LARGE1: variants seen among roughly 807,000 people sequenced by gnomAD.
The protein encoded by LARGE1 is xylosyl- and glucuronyltransferase LARGE1.
LARGE1 carries 43 observed loss-of-function variants against 87.6 expected under a neutral mutation model. That is an observed-to-expected ratio of 0.49 (90% confidence interval 0.38 to 0.63). LARGE1 has a LOEUF of 0.63. Among genes scored for constraint, LARGE1 ranks in the 30% least tolerant of loss-of-function variants. The pLI is 0.00. For synonymous variants in LARGE1, 434 were observed against 394.6 expected (o/e 1.10, Z -1.18); for missense variants, 802 against 1,000.2 (o/e 0.80, Z 2.67).
the LARGE1 span, among the ~76,000 whole-genome samples, chr22:33,121,367 G>A: frequency 6.6e-6 from 1 of 152,120 alleles, no homozygotes; most frequent in Non-Finnish European, 1.5e-5. Flanking sequence ...GAAAGGTTTG[G>A]GACATGTTCC....
the LARGE1 span, among the ~76,000 whole-genome samples, chr22:33,096,566 G>GTTTTTT: frequency 8.3e-5 from 9 of 107,878 alleles, no homozygotes; most frequent in Non-Finnish European, 1.5e-4. Context: ...TTTTGTTTTT[G>GTTTTTT]TTTTTTTTTT....
chr22:33,618,812 G>A (rs575633755), intron 4 of LARGE1, among the ~76,000 whole-genome samples: 91 of 152,280 alleles, frequency 6.0e-4, no homozygotes, highest in African/African-American at 1.4e-3. Flanking sequence ...TTGAGAACCC[G>A]CCTTCCTGTT....
At chr22:33,519,276 G>A (rs561258726) in intron 6 of LARGE1, among the ~76,000 whole-genome samples, 1 of 151,946 alleles carries the variant, frequency 6.6e-6, no homozygotes, top group African/African-American at 2.4e-5. Context: ...ATGCCTCAGA[G>A]AGGAGCATGC....
At chr22:33,829,839 G>A (rs553759882) in intron 1 of LARGE1, among the ~76,000 whole-genome samples, 1 of 152,258 alleles carries the variant, frequency 6.6e-6, no homozygotes, top group East Asian at 1.9e-4. Flanking sequence ...GTCCTCAGGA[G>A]GCAGCCCGGG....
the LARGE1 span, among the ~76,000 whole-genome samples, chr22:33,125,836 T>C: frequency 1.3e-5 from 2 of 152,156 alleles, no homozygotes; most frequent in Admixed American, 1.3e-4. Context: ...TAACTTCCGC[T>C]TCCTGGGTTC....
In LARGE1 at chr22:33,627,702, C is replaced by T. The variant is rs144798147; in HGVS notation, c.409-1376G>A. Among the ~76,000 whole-genome samples the T allele has an allele frequency of 8.4e-3, 1,280 of 152,216 alleles. 16 individuals carry two copies. The highest frequency in any genetic ancestry group is 0.029 in the African/African-American group (1,213 of 41,524). ...CTGTCTTATATCAGCACGGGAGGCT[C>T]GGCCATCAGGGATGAACCATCCCAC... On this transcript the variant is annotated intron_variant, in intron 3 of 14. Transcript: ENST00000397394.
the LARGE1 span, among the ~76,000 whole-genome samples, chr22:33,129,556 G>A: frequency 2.6e-5 from 4 of 151,948 alleles, no homozygotes; most frequent in Non-Finnish European, 5.9e-5. Flanking sequence ...ATATACGCAC[G>A]TATTAAAAAA....
intron 5 of LARGE1, among the ~76,000 whole-genome samples, chr22:33,565,333 GA>G (rs2077990651): frequency 6.6e-6 from 1 of 151,908 alleles, no homozygotes. Context: ...ATCCACTAGA[GA>G]AAAAAAGGAT....
chr22:33,363,601 C>T (rs1470817288), intron 9 of LARGE1, among the ~76,000 whole-genome samples: 1 of 149,534 alleles, frequency 6.7e-6, no homozygotes, highest in Non-Finnish European at 1.5e-5. Context: ...TACAGCCAAA[C>T]CGTATCACGT....
intron 1 of LARGE1, among the ~76,000 whole-genome samples, chr22:33,899,350 T>C (rs1317747855): frequency 6.6e-6 from 1 of 152,210 alleles, no homozygotes; most frequent in Non-Finnish European, 1.5e-5. Flanking sequence ...CATCAAAGCC[T>C]GTTGAGCGGC....
the LARGE1 span, among the ~76,000 whole-genome samples, chr22:33,104,889 C>CTT: frequency 0.081 from 7,182 of 89,178 alleles, 264 homozygotes; most frequent in Non-Finnish European, 0.12. Flanking sequence ...GACTTTCTCT[C>CTT]TCTTTCTTTC....
chr22:33,682,221 C>G (rs1030405762), intron 2 of LARGE1, among the ~76,000 whole-genome samples: 1 of 152,174 alleles, frequency 6.6e-6, no homozygotes, highest in African/African-American at 2.4e-5. Flanking sequence ...CATGCAGGCT[C>G]TCCCTATACA....
chr22:33,552,467 G>A (rs1373550616), intron 6 of LARGE1, among the ~76,000 whole-genome samples: 6 of 150,658 alleles, frequency 4.0e-5, no homozygotes, highest in Non-Finnish European at 3.0e-5. Flanking sequence ...ATTTACAAAA[G>A]AAAAAAAAAT....
At chr22:33,744,708 T>G (rs973636299) in intron 2 of LARGE1, among the ~76,000 whole-genome samples, 5 of 152,226 alleles carry the variant, frequency 3.3e-5, no homozygotes, top group African/African-American at 1.2e-4. Flanking sequence ...TGTCCCTGTT[T>G]CCTACTGACT....
intron 11 of LARGE1, among the ~76,000 whole-genome samples, chr22:33,309,565 C>T (rs375161604): frequency 6.6e-5 from 10 of 152,206 alleles, no homozygotes; most frequent in East Asian, 1.9e-4. Flanking sequence ...AGTGCCCCCT[C>T]GCCAGACACC....
intron 1 of LARGE1, among the ~76,000 whole-genome samples, chr22:33,762,794 T>TA (rs1335534261): frequency 6.6e-6 from 1 of 152,072 alleles, no homozygotes; most frequent in Non-Finnish European, 1.5e-5. Flanking sequence ...ACAAAGGAGT[T>TA]AAAAAACCAA....
At chr22:33,304,550 C>T (rs1359996965) in intron 11 of LARGE1, 43 bp from the exon 12 acceptor site, 6 of 1,520,504 alleles carry the variant, frequency 3.9e-6, no homozygotes, top group Admixed American at 2.0e-5. Flanking sequence ...CTGGGCCATC[C>T]ATGCATCATC....
chr22:33,224,220 C>T (rs1255791941), intron 11 of LARGE1, among the ~76,000 whole-genome samples: 1 of 151,730 alleles, frequency 6.6e-6, no homozygotes, highest in African/African-American at 2.4e-5. Context: ...GAGCCGAGAT[C>T]GCGCCACTGC....
At chr22:33,647,860 C>T (rs551363454) in intron 3 of LARGE1, among the ~76,000 whole-genome samples, 24 of 152,120 alleles carry the variant, frequency 1.6e-4, no homozygotes, top group Non-Finnish European at 2.9e-4. Flanking sequence ...TGGGTTTAAA[C>T]GATTCTCCTG....
Sources: gnomAD v4.1 joint callset for allele counts (sites outside exome capture counted in the v4.1 genomes callset) on GRCh38, gnomAD v4.1.1 for gene constraint, MANE v1.5 for transcripts, NCBI Gene and HGNC (gene_info 2026-07-23, HGNC 2026-07-21) for gene names.